Variants in LRRC7 observed in about 807,000 individuals in gnomAD.
LRRC7 encodes the protein leucine rich repeat containing 7.
LRRC7 carries 23 observed loss-of-function variants against 175.7 expected under a neutral mutation model. That is an observed-to-expected ratio of 0.13 (90% CI 0.09 to 0.19). The LOEUF (loss-of-function observed/expected upper bound fraction) is 0.19. Among genes scored for constraint, LRRC7 ranks in the 10% least tolerant of loss-of-function variants. The pLI, the probability that LRRC7 is intolerant of heterozygous loss-of-function variation, is 1.00. For synonymous variants in LRRC7, 685 were observed against 680.9 expected, an observed-to-expected ratio of 1.01 and a Z score of -0.09; for missense variants, 1,354 against 1,904.7, an observed-to-expected ratio of 0.71 and a Z score of 5.38.
intron 1 of LRRC7, among the ~76,000 whole-genome samples, chr1:69,631,616 T>C (rs760759724): frequency 1.3e-5 from 2 of 152,128 alleles, no homozygotes; most frequent in Non-Finnish European, 2.9e-5. Context: ...CATGAGAGCT[T>C]TTTTGGCAAG....
chr1:69,934,032 A>G (rs1185843900), intron 8 of LRRC7, among the ~76,000 whole-genome samples: 2 of 152,172 alleles, frequency 1.3e-5, no homozygotes, highest in Non-Finnish European at 2.9e-5. Flanking sequence ...ACTCACTTTT[A>G]ATCATAGTTT....
intron 3 of LRRC7, among the ~76,000 whole-genome samples, chr1:69,781,188 C>A (rs1339992177): frequency 6.6e-6 from 1 of 152,042 alleles, no homozygotes; most frequent in African/African-American, 2.4e-5. Flanking sequence ...ACTCTAAGCT[C>A]CTCTCTGTCA....
intron 1 of LRRC7, among the ~76,000 whole-genome samples, chr1:69,674,964 G>A (rs1442526127): frequency 1.3e-5 from 2 of 152,032 alleles, no homozygotes; most frequent in East Asian, 1.9e-4. Flanking sequence ...CAGACACAAC[G>A]CAAAGCATTT....
chr1:70,000,870 C>T (rs1458952761), intron 11 of LRRC7, among the ~76,000 whole-genome samples: 2 of 152,236 alleles, frequency 1.3e-5, no homozygotes, highest in South Asian at 2.1e-4. Context: ...TGCAGATTCA[C>T]GGGAAACATT....
chr1:69,718,801 C>A (rs1352615166), intron 2 of LRRC7, among the ~76,000 whole-genome samples: 1 of 151,658 alleles, frequency 6.6e-6, no homozygotes, highest in East Asian at 1.9e-4. Context: ...TCAAAGAGGG[C>A]AACAGTGTTA....
At chr1:69,632,602 C>T (rs1427237588) in intron 1 of LRRC7, among the ~76,000 whole-genome samples, 1 of 152,044 alleles carries the variant, frequency 6.6e-6, no homozygotes, top group African/African-American at 2.4e-5. Flanking sequence ...TTGTTCTCTT[C>T]TCATAGTGTT....
intron 1 of LRRC7, among the ~76,000 whole-genome samples, chr1:69,616,648 T>C (rs939452236): frequency 7.9e-5 from 12 of 152,044 alleles, no homozygotes; most frequent in African/African-American, 2.9e-4. Context: ...TATTAGAAAA[T>C]AAGTTTCACT....
chr1:69,913,702 G>A (rs376592702), intron 7 of LRRC7, among the ~76,000 whole-genome samples: 13 of 152,114 alleles, frequency 8.5e-5, no homozygotes, highest in East Asian at 1.9e-4. Context: ...TAGTAGAAAC[G>A]GGACTTTACC....
chr1:69,763,802 T>C (rs1671304040), intron 3 of LRRC7, among the ~76,000 whole-genome samples: 1 of 152,098 alleles, frequency 6.6e-6, no homozygotes, highest in Non-Finnish European at 1.5e-5. Context: ...TGTCTGCCAT[T>C]TTATTTTATG....
chr1:69,686,512 A>G (rs1661164600), intron 2 of LRRC7, among the ~76,000 whole-genome samples: 1 of 152,230 alleles, frequency 6.6e-6, no homozygotes, highest in African/African-American at 2.4e-5. Context: ...TTCACTTGAA[A>G]TGGTATAACA....
chr1:69,877,939 G>T (rs1411749118), intron 7 of LRRC7, among the ~76,000 whole-genome samples: 1 of 152,122 alleles, frequency 6.6e-6, no homozygotes, highest in Non-Finnish European at 1.5e-5. Flanking sequence ...GTGTGATAAG[G>T]ATGTGGTGTG....
chr1:70,061,169 T>A (rs1453268240), intron 23 of LRRC7, among the ~76,000 whole-genome samples: 2 of 152,168 alleles, frequency 1.3e-5, no homozygotes, highest in Non-Finnish European at 2.9e-5. Context: ...ATTTTTCTCC[T>A]CCGAGAGTAG....
At chr1:69,970,785 C>T (rs569025810) in intron 8 of LRRC7, among the ~76,000 whole-genome samples, 1 of 152,050 alleles carries the variant, frequency 6.6e-6, no homozygotes, top group Admixed American at 6.5e-5. Flanking sequence ...TGTATGAAAC[C>T]ATTATCACCC....
intron 2 of LRRC7, among the ~76,000 whole-genome samples, chr1:69,746,334 T>C (rs572476597): frequency 3.1e-4 from 47 of 152,012 alleles, no homozygotes; most frequent in Non-Finnish European, 5.7e-4. Context: ...AGTAGTTTAT[T>C]ATAATCACTA....
At chr1:70,014,818 A>C (rs1031769647) in intron 13 of LRRC7, among the ~76,000 whole-genome samples, 2 of 152,078 alleles carry the variant, frequency 1.3e-5, no homozygotes, top group African/African-American at 2.4e-5. Context: ...TTATGTTACC[A>C]AATAGGAGCT....
chr1:69,971,582 A>G (rs150398868), intron 8 of LRRC7, among the ~76,000 whole-genome samples: 124 of 152,310 alleles, frequency 8.1e-4, no homozygotes, highest in Middle Eastern at 3.4e-3. Flanking sequence ...AAAGACCTCT[A>G]CAAGGAAAAC....
At chr1:69,942,513 A>C (rs967246047) in intron 8 of LRRC7, among the ~76,000 whole-genome samples, 2 of 152,080 alleles carry the variant, frequency 1.3e-5, no homozygotes, top group Non-Finnish European at 2.9e-5. Flanking sequence ...GAAGTCCTAA[A>C]ATCCAGGTCT....
At chr1:70,098,752 T>C (rs1664593076) in intron 25 of LRRC7, among the ~76,000 whole-genome samples, 1 of 150,938 alleles carries the variant, frequency 6.6e-6, no homozygotes, top group South Asian at 2.1e-4. Context: ...ACACATACAC[T>C]CTCCCAAGAC....
chr1:69,639,915 G>C (rs955506052), intron 1 of LRRC7, among the ~76,000 whole-genome samples: 2 of 151,696 alleles, frequency 1.3e-5, no homozygotes, highest in African/African-American at 4.8e-5. Context: ...AAAGAAAATA[G>C]CTGGGAAAAT....
Sources: gnomAD v4.1 joint callset for allele counts (sites outside exome capture counted in the v4.1 genomes callset) on GRCh38, gnomAD v4.1.1 for gene constraint, MANE v1.5 for transcripts, NCBI Gene and HGNC (gene_info 2026-07-23, HGNC 2026-07-21) for gene names.